Variants in TRIML1 observed in about 807,000 individuals in gnomAD.
TRIML1 encodes the protein probable E3 ubiquitin-protein ligase TRIML1.
Under a neutral mutation model 32.3 loss-of-function variants are expected in TRIML1, and 34 were observed. The ratio of observed to expected loss-of-function variants is 1.05; its 90% CI spans 0.80 to 1.40. The LOEUF is 1.40. Among genes scored for constraint, TRIML1 ranks in the 40% most tolerant of loss-of-function variants. The probability of loss-of-function intolerance (pLI) is 0.00; values close to 1 mark genes in which losing one functional copy is unlikely to be tolerated. For synonymous variants in TRIML1, 244 were observed against 226.6 expected (o/e 1.08, Z -0.69); for missense variants, 595 against 574.9 (o/e 1.03, Z -0.36).
At chr4:188,149,864 G>A (rs764565907), downstream of TRIML1, among the ~76,000 whole-genome samples, 2 of 152,028 alleles carry the variant, frequency 1.3e-5, no homozygotes, top group African/African-American at 2.4e-5. Context: ...ATGCAGTGGC[G>A]CCATCTTGGC....
intron 2 of TRIML1, 146 bp from the exon 3 acceptor site, chr4:188,142,102 TGAGA>T: frequency 1.7e-6 from 1 of 583,322 alleles, no homozygotes; most frequent in East Asian, 3.0e-5. Context: ...GGCGACAGAG[TGAGA>T]CTCCATCTCA....
chr4:188,139,742 G>T lies in TRIML1; in HGVS notation c.184G>T (p.Gly62Cys). The change falls in exon 1 of 6, where the codon GGC (glycine) becomes TGC (cysteine). Residue 62 changes from glycine to cysteine, a missense_variant. Gly to Cys is a radical substitution (Grantham distance 159). Transcript: ENST00000332517. Reference sequence around the variant, plus strand: ...TCCTGAGTGCTGGAGGACCTTGGAGGGCCCGCATTTCCAGTCAAACGAGCG... The same window carrying T: ...TCCTGAGTGCTGGAGGACCTTGGAGTGCCCGCATTTCCAGTCAAACGAGCG... ...SCPECWRTLE[G>C]PHFQSNERLG... 4 of 1,613,914 alleles carry T rather than the reference G, an allele frequency of 2.5e-6. No individual in the cohort carries two copies. Among genetic ancestry groups the T allele is most frequent in the Non-Finnish European group, 3.4e-6 (4 of 1,179,982 alleles).
In TRIML1 at chr4:188,144,511, C is replaced by T. The variant is rs373007095; in HGVS notation, c.856+378C>T. 2.6e-4 allele frequency among the ~76,000 whole-genome samples: 37 copies of T among 142,034 alleles called. 1 individual carries two copies. The highest frequency in any genetic ancestry group is 5.6e-4 in the African/African-American group (22 of 39,232). The allele number at this position is 142,034 out of a possible 152,430, so 93.2% of individuals were successfully genotyped here. On this transcript the variant is annotated intron_variant, in intron 5 of 5. Coordinates refer to ENST00000332517, the MANE Select transcript of TRIML1 (RefSeq NM_178556.5). Reference sequence around the variant, plus strand: ...CCGAGTAGCTGGGACTACAGGCGCCCGCCACCACGCCTGGGTAATTTTTTG... The same window carrying T: ...CCGAGTAGCTGGGACTACAGGCGCCTGCCACCACGCCTGGGTAATTTTTTG...
intron 2 of TRIML1, among the ~76,000 whole-genome samples, chr4:188,141,313 G>T (rs188981812): frequency 6.6e-6 from 1 of 151,742 alleles, no homozygotes; most frequent in Admixed American, 6.6e-5. Context: ...GATTACAGAC[G>T]TGTGCCACCA....
At position 188,147,370 on chromosome 4, in the gene TRIML1, T is replaced by G. The variant is rs1317620375; in HGVS notation, c.1405T>G (p.Ter469GlyextTer22). The change falls in exon 6 of 6, where the codon TGA becomes GGA. Residue 469 changes from the stop codon to glycine, a stop_lost. Coordinates refer to ENST00000332517, the MANE Select transcript of TRIML1 (RefSeq NM_178556.5). ...LTICSLNSHV* is the reference protein window; with the variant it reads ...LTICSLNSHVG ...CATCTGCTCACTGAACAGCCACGTC[T>G]GAGGGGCGTGCCCTGAGCCGTCACA... 9 of 1,491,906 alleles carry G rather than the reference T, an allele frequency of 6.0e-6. No homozygotes were observed. The South Asian group carries it at 1.3e-4, about 21-fold the overall frequency. The allele number at this position is 1,491,906 out of a possible 1,614,324, so 92.4% of individuals were successfully genotyped here.
rs546845700 is a variant in TRIML1, at chr4:188,140,014, C to T, written c.408+48C>T. Reference sequence around the variant, plus strand: ...ACCCCACGACTCATCGCAGCTAACTCCGTTAGCTTTCCTGACGTTTCCTAA... The same window carrying T: ...ACCCCACGACTCATCGCAGCTAACTTCGTTAGCTTTCCTGACGTTTCCTAA... On this transcript the variant is annotated intron_variant, in intron 1 of 5. Transcript: ENST00000332517. The T allele has an allele frequency of 4.6e-6, 7 of 1,527,736 alleles. No individual in the cohort carries two copies. In the African/African-American group the frequency reaches 9.6e-5, roughly 21 times the overall value. 94.6% of individuals were successfully genotyped at this position (1,527,736 alleles called of 1,614,324 possible). A position where few individuals can be genotyped will look rare whatever the true frequency, so the allele number is the denominator to read the frequency against.
chr4:188,148,518 T>G (rs13132893), downstream of TRIML1, among the ~76,000 whole-genome samples: 64,524 of 151,712 alleles, frequency 0.43, 14,820 homozygotes, highest in Admixed American at 0.57. Flanking sequence ...TCAGGTTTTG[T>G]GAGGAAGTGG....
At chr4:188,146,702 C>G in intron 5 of TRIML1, 120 bp from the exon 6 acceptor site, 1 of 807,398 alleles carries the variant, frequency 1.2e-6, no homozygotes, top group Non-Finnish European at 1.8e-6. Flanking sequence ...CCATCACGCC[C>G]GGCCCCAAAT....
rs774112093 is a variant in TRIML1, at chr4:188,142,522, G to A, written c.735+40G>A. ...CATGAGAGTAATGGGAAAAATTATA[G>A]TAACTCATAGTACTTCAAGCCATAG... On this transcript the variant is annotated intron_variant, in intron 3 of 5. Transcript: ENST00000332517. 8 of 1,413,416 alleles carry A rather than the reference G, an allele frequency of 5.7e-6. No individual in the cohort carries two copies. The East Asian group carries it at 6.8e-5, about 12-fold the overall frequency. 87.6% of individuals were successfully genotyped at this position (1,413,416 alleles called of 1,614,324 possible). A position where few individuals can be genotyped will look rare whatever the true frequency, so the allele number is the denominator to read the frequency against.
In TRIML1 at chr4:188,142,415, G is replaced by A. The variant is rs764698937; in HGVS notation, c.668G>A (p.Arg223Lys). 1.2e-6 allele frequency: 2 copies of A among 1,613,722 alleles called. No individual in the cohort carries two copies. Among genetic ancestry groups the A allele is most frequent in the African/African-American group, 2.7e-5 (2 of 74,834 alleles). The change falls in exon 3 of 6, where the codon AGA (arginine) becomes AAA (lysine). Residue 223 changes from arginine (R) to lysine (K), a missense_variant. Physicochemically the swap from Arg to Lys is conservative, Grantham distance 26. Transcript: ENST00000332517. ...NNEIKLTQQI[R>K]SLSKMIAQIE... ...GAGATCAAACTGACCCAGCAAATCA[G>A]AAGCCTAAGCAAAATGATCGCACAG...
rs779420713 is a variant in TRIML1, at chr4:188,139,888, G to T, written c.330G>T (p.Gln110His). ...CCAAGGCGCTCTCCGATGACGAGCAGGGTGGAAGCGCCTTCGTAGCCCAGA... is the reference window on the plus strand; with the variant it reads ...CCAAGGCGCTCTCCGATGACGAGCATGGTGGAAGCGCCTTCGTAGCCCAGA... ...TTAKALSDDEQGGSAFVAQSH... is the reference protein window; with the variant it reads ...TTAKALSDDEHGGSAFVAQSH... The change falls in exon 1 of 6, where the codon CAG (glutamine) becomes CAT (histidine). Residue 110 changes from glutamine (Q) to histidine (H), a missense_variant. Transcript: ENST00000332517. 1.9e-6 allele frequency: 3 copies of T among 1,613,898 alleles called. No homozygotes were observed. The highest frequency in any genetic ancestry group is 1.7e-6 in the Non-Finnish European group (2 of 1,180,036).
In TRIML1 at chr4:188,142,500, G is replaced by A. The variant is rs766825958; in HGVS notation, c.735+18G>A. On this transcript the variant is annotated intron_variant, in intron 3 of 5. Transcript: ENST00000332517. ...CTCTTGAGGTGAGAATAACATTCAT[G>A]AGAGTAATGGGAAAAATTATAGTAA... The A allele has an allele frequency of 1.6e-5, 26 of 1,577,264 alleles. No homozygotes were observed. The highest frequency in any genetic ancestry group is 2.2e-5 in the Non-Finnish European group (25 of 1,149,752).
intron 2 of TRIML1, chr4:188,140,862 C>T: frequency 2.6e-6 from 1 of 378,450 alleles, no homozygotes; most frequent in South Asian, 6.0e-5. Context: ...CTGTGGCTTC[C>T]TCTATGATGG....
At chr4:188,140,247 A>C (rs961755263) in intron 1 of TRIML1, among the ~76,000 whole-genome samples, 6 of 151,156 alleles carry the variant, frequency 4.0e-5, no homozygotes, top group Non-Finnish European at 7.4e-5. Context: ...CAGCCTCCCC[A>C]GTAGCTGGGA....
chr4:188,140,417 C>T (rs1441468343), intron 1 of TRIML1, 111 bp from the exon 2 acceptor site: 4 of 836,986 alleles, frequency 4.8e-6, no homozygotes, highest in East Asian at 5.0e-5. Flanking sequence ...GCGCCGCACC[C>T]AGCCTGCCCT....
In TRIML1 at chr4:188,147,363, C is replaced by G; in HGVS notation, c.1398C>G (p.Ser466Arg). The change falls in exon 6 of 6, where the codon AGC becomes AGG. Residue 466 changes from serine to arginine, a missense_variant. Ser to Arg is a moderately radical substitution (Grantham distance 110, BLOSUM62 -1). Coordinates refer to ENST00000332517, the MANE Select transcript of TRIML1 (RefSeq NM_178556.5). ...TDPLTICSLN[S>R]HV is the part of the protein sequence containing the mutation. ...CTCTCACCATCTGCTCACTGAACAG[C>G]CACGTCTGAGGGGCGTGCCCTGAGC... The G allele has an allele frequency of 6.7e-7, 1 of 1,500,462 alleles. No individual in the cohort carries two copies. The highest frequency in any genetic ancestry group is 8.9e-7 in the Non-Finnish European group (1 of 1,126,714). The allele number at this position is 1,500,462 out of a possible 1,614,324, so 92.9% of individuals were successfully genotyped here.
chr4:188,144,402 T>TCG (rs1170481850), intron 5 of TRIML1, among the ~76,000 whole-genome samples: 13 of 150,452 alleles, frequency 8.6e-5, no homozygotes, highest in South Asian at 2.1e-4. Context: ...TCACTCCGTG[T>TCG]CCCGGGCTGG....
At chr4:188,143,733 T>C (rs1298061402) in intron 3 of TRIML1, 105 bp from the exon 4 acceptor site, 1 of 1,378,068 alleles carries the variant, frequency 7.3e-7, no homozygotes, top group Non-Finnish European at 1.0e-6. Context: ...GTGTGCTTCA[T>C]GGGAAGCAGA....
At chr4:188,146,580 T>C (rs534949414) in intron 5 of TRIML1, among the ~76,000 whole-genome samples, 18 of 152,268 alleles carry the variant, frequency 1.2e-4, no homozygotes, top group African/African-American at 4.1e-4. Context: ...TGGCTATGTT[T>C]TGTATTTTTA....
Sources: gnomAD v4.1 joint callset for allele counts (sites outside exome capture counted in the v4.1 genomes callset) on GRCh38, gnomAD v4.1.1 for gene constraint, MANE v1.5 for transcripts, NCBI Gene and HGNC (gene_info 2026-07-23, HGNC 2026-07-21) for gene names.